Variants in PDE10A observed in about 807,000 individuals in gnomAD.
PDE10A encodes phosphodiesterase 10A, also known as cAMP and cAMP-inhibited cGMP 3',5'-cyclic phosphodiesterase 10A.
PDE10A carries 39 observed loss-of-function variants against 97.7 expected under a neutral mutation model. The observed-to-expected ratio is 0.40, with a 90% CI of 0.31 to 0.52. The LOEUF is 0.52. Ranked by LOEUF, PDE10A falls within the 20% of genes least tolerant of loss-of-function variation. The probability of loss-of-function intolerance (pLI) is 0.56; values close to 1 mark genes in which losing one functional copy is unlikely to be tolerated. For missense variants in PDE10A, 731 were observed against 1,047.8 expected (o/e 0.70, Z 4.17); for synonymous variants, 371 against 376.8 (o/e 0.98, Z 0.18).
intron 1 of PDE10A, among the ~76,000 whole-genome samples, chr6:165,855,055 G>A (rs1203667875): frequency 6.6e-6 from 1 of 151,882 alleles, no homozygotes; most frequent in East Asian, 1.9e-4. Flanking sequence ...GAAGAGGGAA[G>A]GAGGACGGGC....
intron 1 of PDE10A, among the ~76,000 whole-genome samples, chr6:165,784,241 AAG>A (rs944191327): frequency 2.0e-5 from 3 of 151,828 alleles, no homozygotes; most frequent in African/African-American, 7.3e-5. Flanking sequence ...AAAAAGAAAA[AAG>A]AAATAAAAAG....
intron 1 of PDE10A, among the ~76,000 whole-genome samples, chr6:165,871,064 T>C (rs1223446751): frequency 6.6e-6 from 1 of 152,206 alleles, no homozygotes; most frequent in Non-Finnish European, 1.5e-5. Context: ...AATAATTTAT[T>C]GTATATTTCA....
chr6:165,943,327 GAAAA>G (rs66686171), intron 1 of PDE10A, among the ~76,000 whole-genome samples: 1 of 72,556 alleles, frequency 1.4e-5, no homozygotes, highest in East Asian at 3.5e-4. Flanking sequence ...AGGAAAGAAA[GAAAA>G]AGAAAGAAAG....
rs769340902 is a variant in PDE10A at position 165,958,539 on chromosome 6, A to G, written c.-615+28990T>C. ...AAAGAAAGAAAGAAAGAAAGAAAGAAAGAAAGAAAGAAAGAAAGAAAGAAA... is the reference window on the plus strand; with the variant it reads ...AAAGAAAGAAAGAAAGAAAGAAAGAGAGAAAGAAAGAAAGAAAGAAAGAAA... On this transcript the variant is annotated intron_variant, in intron 1 of 19. Transcript: ENST00000366882. Among the ~76,000 whole-genome samples the G allele has an allele frequency of 3.0e-4, 11 of 36,902 alleles. 1 individual carries two copies. Among genetic ancestry groups the G allele is most frequent in the Admixed American group, 1.3e-3 (3 of 2,234 alleles). The allele number at this position is 36,902 out of a possible 152,430, so 24.2% of individuals were successfully genotyped here.
At chr6:165,961,961 A>G (rs1784373532) in intron 1 of PDE10A, among the ~76,000 whole-genome samples, 1 of 152,208 alleles carries the variant, frequency 6.6e-6, no homozygotes, top group Admixed American at 6.5e-5. Flanking sequence ...TTATTTGCCA[A>G]TCCCTACCTA....
chr6:165,440,929 T>C (rs1790400761), intron 5 of PDE10A, among the ~76,000 whole-genome samples: 1 of 152,144 alleles, frequency 6.6e-6, no homozygotes, highest in South Asian at 2.1e-4. Flanking sequence ...GATACTATCA[T>C]CAGGTATGTT....
chr6:165,747,970 G>A (rs1792880067), intron 1 of PDE10A, among the ~76,000 whole-genome samples: 1 of 152,162 alleles, frequency 6.6e-6, no homozygotes, highest in African/African-American at 2.4e-5. Flanking sequence ...ACTGTGGCAG[G>A]GACCTTCCAG....
chr6:165,668,827 G>T (rs1054785142), intron 1 of PDE10A, among the ~76,000 whole-genome samples: 4 of 142,712 alleles, frequency 2.8e-5, no homozygotes, highest in Non-Finnish European at 6.1e-5. Flanking sequence ...GGGAGGGAGG[G>T]TTCTTTCACA....
At chr6:165,480,469 C>T (rs1471997091) in intron 3 of PDE10A, among the ~76,000 whole-genome samples, 1 of 151,984 alleles carries the variant, frequency 6.6e-6, no homozygotes, top group African/African-American at 2.4e-5. Flanking sequence ...GCCTGTAGTC[C>T]CAGCTATTTA....
intron 1 of PDE10A, among the ~76,000 whole-genome samples, chr6:165,951,164 G>A (rs887119973): frequency 6.6e-6 from 1 of 152,114 alleles, no homozygotes; most frequent in Non-Finnish European, 1.5e-5. Context: ...AACTACCTCC[G>A]AACTGATACA....
chr6:165,614,135 A>G (rs943686610), intron 1 of PDE10A, among the ~76,000 whole-genome samples: 1 of 152,042 alleles, frequency 6.6e-6, no homozygotes, highest in Non-Finnish European at 1.5e-5. Context: ...GCTCCTAAAC[A>G]CTTTGCTGGT....
chr6:165,815,785 G>C (rs1220582749), intron 1 of PDE10A, among the ~76,000 whole-genome samples: 1 of 151,996 alleles, frequency 6.6e-6, no homozygotes, highest in Non-Finnish European at 1.5e-5. Context: ...TTTTTAAATA[G>C]TTGCTTCCAC....
rs35066433 is a variant in PDE10A, at chr6:165,867,230, G to GAA, written c.-615+120297_-615+120298dup. On this transcript the variant is annotated intron_variant, in intron 1 of 19. Coordinates refer to the PDE10A transcript ENST00000366882. ...CCAATTAAAAAATATAGACTGAATG[G>GAA]AAAAAAAAAAAAAACCATGAGACCC... Among the ~76,000 whole-genome samples, 1,131 of 137,262 alleles carry GAA rather than the reference G, an allele frequency of 8.2e-3. 11 individuals are homozygous for GAA. Among genetic ancestry groups the GAA allele is most frequent in the Middle Eastern group, 0.052 (14 of 270 alleles). 90.0% of individuals were successfully genotyped at this position (137,262 alleles called of 152,430 possible). A position where few individuals can be genotyped will look rare whatever the true frequency, so the allele number is the denominator to read the frequency against.
At chr6:165,510,998 T>C (rs1024062183) in intron 2 of PDE10A, among the ~76,000 whole-genome samples, 4 of 151,966 alleles carry the variant, frequency 2.6e-5, no homozygotes, top group African/African-American at 9.7e-5. Context: ...TTTTAGTTAT[T>C]TTTAGTCTTA....
intron 5 of PDE10A, among the ~76,000 whole-genome samples, chr6:165,438,375 A>C (rs573231666): frequency 1.4e-4 from 22 of 151,988 alleles, no homozygotes; most frequent in Non-Finnish European, 3.1e-4. Flanking sequence ...TTTAGTAGAG[A>C]TGGGATTTCT....
intron 1 of PDE10A, among the ~76,000 whole-genome samples, chr6:165,931,350 A>G (rs1163676400): frequency 1.3e-5 from 2 of 152,366 alleles, no homozygotes; most frequent in Non-Finnish European, 2.9e-5. Context: ...TAACTGGCAT[A>G]TAATAGGTGT....
At chr6:165,568,220 A>T (rs4310028) in intron 1 of PDE10A, among the ~76,000 whole-genome samples, 1 of 151,944 alleles carries the variant, frequency 6.6e-6, no homozygotes, top group African/African-American at 2.4e-5. Flanking sequence ...ACGATGGTCT[A>T]GATCTGCTGA....
rs923226432 is a variant in PDE10A, at chr6:165,418,712, C to T, written c.1719G>A (p.Lys573=). The T allele has an allele frequency of 1.4e-5, 22 of 1,613,634 alleles. No individual in the cohort carries two copies. Among genetic ancestry groups the T allele is most frequent in the Non-Finnish European group, 1.9e-5 (22 of 1,179,802 alleles). The stretch of plus-strand genomic sequence containing the variant: ...TATCAAAAAGGTCTGAATATAACTC[C>T]TTGTTCTTATGGTCCACCTGGAAAA... ...CALFQVDHKN[K]ELYSDLFDIG... The change falls in exon 11 of 22, where the codon AAG becomes AAA. Residue 573 remains lysine (K), a synonymous_variant. Coordinates refer to ENST00000539869, the MANE Select transcript of PDE10A (RefSeq NM_001385079.1). This position sits in a 1 kb window ranked among gnomAD's most constrained non-coding sequence, Gnocchi z 4.8.
At chr6:165,950,264 A>G (rs1475197922) in intron 1 of PDE10A, among the ~76,000 whole-genome samples, 2 of 152,244 alleles carry the variant, frequency 1.3e-5, no homozygotes, top group African/African-American at 2.4e-5. Flanking sequence ...ACAAAAGTAC[A>G]GTCTTTGTTA....
Sources: allele counts gnomAD v4.1 joint callset (sites outside exome capture counted in the v4.1 genomes callset), GRCh38; gene constraint gnomAD v4.1.1; non-coding constraint Gnocchi (gnomAD v3.1); transcripts MANE v1.5; gene names NCBI Gene and HGNC (gene_info 2026-07-23, HGNC 2026-07-21).